USP8: variants seen among roughly 807,000 people sequenced by gnomAD.
USP8 encodes the protein ubiquitin carboxyl-terminal hydrolase 8.
Under a neutral mutation model 130.0 loss-of-function variants are expected in USP8, and 27 were observed. That is an observed-to-expected ratio of 0.21 (90% confidence interval 0.15 to 0.29). USP8 has a LOEUF of 0.29. USP8 is among the 10% of genes least tolerant of loss of function. USP8 has a pLI of 1.00. For missense variants in USP8, 1,029 were observed against 1,312.2 expected, an observed-to-expected ratio of 0.78 and a Z score of 3.33; for synonymous variants, 392 against 444.1, an observed-to-expected ratio of 0.88 and a Z score of 1.48.
chr15:50,484,449 T>C, intron 12 of USP8, 88 bp downstream of exon 12: 2 of 1,058,860 alleles, frequency 1.9e-6, no homozygotes, highest in Admixed American at 2.3e-5. Flanking sequence ...TGCTATCTTT[T>C]ATCATGAGAT....
intron 4 of USP8, 101 bp downstream of exon 4, chr15:50,449,586 A>T: frequency 1.3e-5 from 11 of 865,540 alleles, no homozygotes; most frequent in South Asian, 2.5e-5. Flanking sequence ...TAATATTCCA[A>T]TTTTTTTTTG....
chr15:50,498,258 T>G (rs2141331346), intron 18 of USP8: 1 of 182,908 alleles, frequency 5.5e-6, no homozygotes, highest in Non-Finnish European at 1.1e-5. Flanking sequence ...GCAGCTGTCA[T>G]TCTTTCTTTT....
At chr15:50,452,461 G>C (rs1044632443) in intron 4 of USP8, among the ~76,000 whole-genome samples, 3 of 152,144 alleles carry the variant, frequency 2.0e-5, no homozygotes, top group African/African-American at 4.8e-5. Context: ...TCCAAGGTAG[G>C]GGGTAAGGTG....
intron 1 of USP8, chr15:50,432,243 C>G (rs1371286919): frequency 6.6e-6 from 1 of 152,190 alleles, no homozygotes; most frequent in Admixed American, 6.5e-5. Context: ...CCACTACGCC[C>G]AGCTAATTTT....
At chr15:50,447,288 T>G (rs1180163944) in intron 3 of USP8, among the ~76,000 whole-genome samples, 1 of 152,242 alleles carries the variant, frequency 6.6e-6, no homozygotes, top group Non-Finnish European at 1.5e-5. Flanking sequence ...TTGCCCAGAC[T>G]GGAGTTCAGT....
At chr15:50,462,637 C>G (rs941040282) in intron 6 of USP8, among the ~76,000 whole-genome samples, 3 of 152,162 alleles carry the variant, frequency 2.0e-5, no homozygotes, top group Admixed American at 1.3e-4. Flanking sequence ...TGGTTAAGAG[C>G]ATGGACTCTC....
At position 50,428,231 on chromosome 15, in the gene USP8, C is replaced by T. The variant is rs533010009; in HGVS notation, c.-66+3717C>T. ...TGATGGGTTCAAGCAATTCTCCTGC[C>T]TCAGCCTCCCAAGTAGCTGGGATCA... On this transcript the variant is annotated intron_variant, in intron 1 of 19. Transcript: ENST00000307179. Among the ~76,000 whole-genome samples, 12 of 152,268 alleles carry T rather than the reference C, an allele frequency of 7.9e-5. No homozygotes were observed. The South Asian group carries it at 1.5e-3, about 18-fold the overall frequency.
At chr15:50,452,575 T>C (rs2050659172) in intron 4 of USP8, among the ~76,000 whole-genome samples, 1 of 152,204 alleles carries the variant, frequency 6.6e-6, no homozygotes. Flanking sequence ...GGGCAGACAG[T>C]TCACATACTG....
At chr15:50,464,917 T>A (rs947019106) in intron 6 of USP8, 130 bp from the exon 7 acceptor site, 10 of 919,088 alleles carry the variant, frequency 1.1e-5, no homozygotes, top group Middle Eastern at 4.8e-4. Context: ...GATGGAGTAG[T>A]AAATATGTGG....
At chr15:50,431,060 T>G (rs1028967445) in intron 1 of USP8, among the ~76,000 whole-genome samples, 2 of 152,110 alleles carry the variant, frequency 1.3e-5, no homozygotes, top group African/African-American at 2.4e-5. Context: ...GATGGCAAGG[T>G]TGAGAAACGC....
rs1421921124 is a variant in USP8, at chr15:50,504,700, C to T, written c.*5612C>T. The T allele has an allele frequency of 6.6e-6, 1 of 152,182 alleles. No homozygotes were observed. The highest frequency in any genetic ancestry group is 1.5e-5 in the Non-Finnish European group (1 of 68,120). 9.4% of individuals were successfully genotyped at this position (152,182 alleles called of 1,614,324 possible). A position where few individuals can be genotyped will look rare whatever the true frequency, so the allele number is the denominator to read the frequency against. On this transcript the variant is annotated 3_prime_UTR_variant, in exon 20 of 20. Coordinates refer to ENST00000307179, the MANE Select transcript of USP8 (RefSeq NM_005154.5). Reference sequence around the variant, plus strand: ...GGACACAGAAAATGAATAAACCGGACTGGGCGCGGTGGCTCATGCCTGTAA... The same window carrying T: ...GGACACAGAAAATGAATAAACCGGATTGGGCGCGGTGGCTCATGCCTGTAA...
chr15:50,447,930 G>A (rs1408418475), intron 3 of USP8, among the ~76,000 whole-genome samples: 1 of 151,590 alleles, frequency 6.6e-6, no homozygotes, highest in East Asian at 1.9e-4. Flanking sequence ...GTGGAGACAG[G>A]GTTTCACCAT....
chr15:50,426,183 GAC>G (rs2049713080), intron 1 of USP8, among the ~76,000 whole-genome samples: 1 of 152,126 alleles, frequency 6.6e-6, no homozygotes, highest in South Asian at 2.1e-4. Context: ...TTTTGGGTAA[GAC>G]AGTTGGAAAA....
At position 50,471,779 on chromosome 15, in the gene USP8, A is replaced by G. The variant is rs751685494; in HGVS notation, c.833A>G (p.Lys278Arg). 17 of 1,613,856 alleles carry G rather than the reference A, an allele frequency of 1.1e-5. No homozygotes were observed. The South Asian group carries it at 1.6e-4, about 16-fold the overall frequency. ...LQIGTTLRSL[K>R]DALFKWESKT... ...ATTGGAACAACTCTCCGGAGTCTGA[A>G]AGATGCACTTTTCAAGGTTTGCAAG... Residue 278 changes from lysine (K) to arginine (R), a missense_variant, in exon 8 of 20, where the codon AAA (lysine) becomes AGA (arginine). Physicochemically the swap from Lys to Arg is conservative, Grantham distance 26. Transcript: ENST00000307179.
At chr15:50,424,621 C>T (rs1166788134) in intron 1 of USP8, 107 bp downstream of exon 1, 2 of 397,218 alleles carry the variant, frequency 5.0e-6, no homozygotes, top group African/African-American at 4.1e-5. Flanking sequence ...GAGACAAGCT[C>T]TGTCCGCGGA....
At chr15:50,458,899 A>T in intron 4 of USP8, 101 bp from the exon 5 acceptor site, 1 of 1,425,710 alleles carries the variant, frequency 7.0e-7, no homozygotes. Context: ...TATAGCCATG[A>T]AATACCTCAA....
intron 17 of USP8, chr15:50,496,786 TTTAGTC>T (rs1309118650): frequency 1.8e-5 from 4 of 224,604 alleles, no homozygotes; most frequent in African/African-American, 9.0e-5. Context: ...TGTTGATACC[TTTAGTC>T]TTAAAGTACC....
rs1453549379 is a variant in USP8, at chr15:50,507,026, T to C, written c.*7938T>C. 1 of 142,130 alleles carries C rather than the reference T, an allele frequency of 7.0e-6. No individual in the cohort carries two copies. Among genetic ancestry groups the C allele is most frequent in the East Asian group, 2.1e-4 (1 of 4,722 alleles). 8.8% of individuals were successfully genotyped at this position (142,130 alleles called of 1,614,324 possible). A position where few individuals can be genotyped will look rare whatever the true frequency, so the allele number is the denominator to read the frequency against. Reference sequence around the variant, plus strand: ...GGCCAAGTGTGGTGGCTCATGCCTGTAATCCCAACACTTTGGGAGGCCAAG... The same window carrying C: ...GGCCAAGTGTGGTGGCTCATGCCTGCAATCCCAACACTTTGGGAGGCCAAG... On this transcript the variant is annotated 3_prime_UTR_variant, in exon 20 of 20. Transcript: ENST00000307179.
intron 19 of USP8, 67 bp downstream of exon 19, chr15:50,498,795 T>G (rs2052510824): frequency 6.4e-7 from 1 of 1,557,610 alleles, no homozygotes; most frequent in Non-Finnish European, 8.7e-7. Context: ...TTAAGTGGTT[T>G]CCTACCTCAT....
Sources: allele counts gnomAD v4.1 joint callset (sites outside exome capture counted in the v4.1 genomes callset), GRCh38; gene constraint gnomAD v4.1.1; transcripts MANE v1.5; gene names NCBI Gene and HGNC (gene_info 2026-07-23, HGNC 2026-07-21).